PCDHGC3: variants seen among roughly 807,000 people sequenced by gnomAD.
The protein encoded by PCDHGC3 is protocadherin gamma-C3.
In PCDHGC3, 26 loss-of-function variants were observed where a neutral mutation model predicts 59.2. The ratio of observed to expected loss-of-function variants is 0.44; its 90% CI spans 0.32 to 0.61. The LOEUF (loss-of-function observed/expected upper bound fraction) is 0.61. Ranked by LOEUF, PCDHGC3 falls within the 20% of genes least tolerant of loss-of-function variation. PCDHGC3 has a pLI of 0.05. For synonymous variants in PCDHGC3, 487 were observed against 519.7 expected, an observed-to-expected ratio of 0.94 and a Z score of 0.86; for missense variants, 1,080 against 1,221.8, an observed-to-expected ratio of 0.88 and a Z score of 1.73.
chr5:141,492,553 G>C (rs1184580300), intron 1 of PCDHGC3, among the ~76,000 whole-genome samples: 1 of 152,148 alleles, frequency 6.6e-6, no homozygotes, highest in Non-Finnish European at 1.5e-5. Flanking sequence ...CGGGTCGCCT[G>C]GGGGGCGGCC....
chr5:141,485,358 G>A lies in PCDHGC3; in HGVS notation c.2430+6812G>A, dbSNP rs372994272. The A allele has an allele frequency of 1.2e-6, 2 of 1,614,100 alleles. No homozygotes were observed. Among genetic ancestry groups the A allele is most frequent in the Admixed American group, 3.3e-5 (2 of 60,002 alleles). ...CTGGATACGGACAGTCTGTCAGCTC[G>A]CAGGCTGCAGGTCGCTGGAGAGGTG... is the stretch of plus-strand genomic sequence containing the variant. On this transcript the variant is annotated intron_variant, in intron 1 of 3. Transcript: ENST00000308177. This position sits in a 1 kb window ranked among gnomAD's most constrained non-coding sequence, Gnocchi z 5.7.
At chr5:141,496,268 G>T (rs1237681971) in intron 2 of PCDHGC3, among the ~76,000 whole-genome samples, 1 of 152,208 alleles carries the variant, frequency 6.6e-6, no homozygotes, top group Non-Finnish European at 1.5e-5. Flanking sequence ...TCAGCAGAAA[G>T]ACCTTCAGTT....
At position 141,505,514 on chromosome 5, in the gene PCDHGC3, G is replaced by A. The variant is rs758026551; in HGVS notation, c.2578+33G>A. The A allele has an allele frequency of 1.2e-5, 20 of 1,613,682 alleles. No homozygotes were observed. The South Asian group carries it at 1.8e-4, about 14-fold the overall frequency. ...GTGTCAGTGTGTGTATGGAAGAGTGGGAGACCTGGGGTTCTGGGGTGCATC... is the reference window on the plus strand; with the variant it reads ...GTGTCAGTGTGTGTATGGAAGAGTGAGAGACCTGGGGTTCTGGGGTGCATC... On this transcript the variant is annotated intron_variant, in intron 3 of 3. Transcript: ENST00000308177.
rs1245731818 is a variant in PCDHGC3, at chr5:141,476,700, A to C, written c.584A>C (p.Glu195Ala). 1 of 1,614,096 alleles carries C rather than the reference A, an allele frequency of 6.2e-7. No homozygotes were observed. Among genetic ancestry groups the C allele is most frequent in the Non-Finnish European group, 8.5e-7 (1 of 1,180,016 alleles). Residue 195 changes from glutamate to alanine, a missense_variant, in exon 1 of 4, where the codon GAG (glutamate) becomes GCG (alanine). Coordinates refer to ENST00000308177, the MANE Select transcript of PCDHGC3 (RefSeq NM_002588.4). This position sits in a 1 kb window ranked among gnomAD's most constrained non-coding sequence, Gnocchi z 7.6. Reference sequence around the variant, plus strand: ...CGGGAGGACAGCACCAAGTACGCGGAGCTGGTGTTGGAGCGCGCCCTGGAC... The same window carrying C: ...CGGGAGGACAGCACCAAGTACGCGGCGCTGGTGTTGGAGCGCGCCCTGGAC... ...QTREDSTKYA[E>A]LVLERALDRE...
In PCDHGC3 at chr5:141,491,225, T is replaced by G. The variant is rs764111440; in HGVS notation, c.2431-3582T>G. The stretch of plus-strand genomic sequence containing the variant: ...CCTTCACTCTCCTCCACAGCCACAG[T>G]GCTGCTGGTTCTGGAGGATGAGGAC... On this transcript the variant is annotated intron_variant, in intron 1 of 3. Transcript: ENST00000308177. This position sits in a 1 kb window ranked among gnomAD's most constrained non-coding sequence, Gnocchi z 6.9. 6.2e-7 allele frequency: 1 copy of G among 1,614,232 alleles called. No individual in the cohort carries two copies. Among genetic ancestry groups the G allele is most frequent in the Non-Finnish European group, 8.5e-7 (1 of 1,180,028 alleles).
At position 141,478,463 on chromosome 5, in the gene PCDHGC3, G is replaced by A; in HGVS notation, c.2347G>A (p.Ala783Thr). The A allele has an allele frequency of 6.2e-7, 1 of 1,613,424 alleles. No individual in the cohort carries two copies. Among genetic ancestry groups the A allele is most frequent in the South Asian group, 1.1e-5 (1 of 91,084 alleles). ...LKKPGAASPL[A>T]SRQNTLRSCD... is the part of the protein sequence containing the mutation. Reference sequence around the variant, plus strand: ...GAAACCTGGTGCAGCCAGTCCACTGGCCAGCCGCCAGAACACGCTGCGGAG... The same window carrying A: ...GAAACCTGGTGCAGCCAGTCCACTGACCAGCCGCCAGAACACGCTGCGGAG... The change falls in exon 1 of 4, where the codon GCC (alanine) becomes ACC (threonine). Residue 783 changes from alanine (A) to threonine (T), a missense_variant. Transcript: ENST00000308177.
chr5:141,501,441 A>G (rs547792017), intron 2 of PCDHGC3, among the ~76,000 whole-genome samples: 1 of 151,898 alleles, frequency 6.6e-6, no homozygotes, highest in African/African-American at 2.4e-5. Context: ...CATTTCTTCC[A>G]TTTTTACTTT....
rs965707754 is a variant in PCDHGC3 at position 141,505,329 on chromosome 5, G to A, written c.2490-64G>A. On this transcript the variant is annotated intron_variant, in intron 2 of 3. Coordinates refer to ENST00000308177, the MANE Select transcript of PCDHGC3 (RefSeq NM_002588.4). ...ACTAGGTTTGGGAGCCCTGGGAGAG[G>A]ACAGGAGGGGCATGAGCTGTGCCGG... is the stretch of plus-strand genomic sequence containing the variant. The A allele has an allele frequency of 2.5e-6, 4 of 1,610,060 alleles. No individual in the cohort carries two copies. The African/African-American group carries it at 5.3e-5, about 22-fold the overall frequency.
In PCDHGC3 at chr5:141,490,052, A is replaced by G. The variant is rs774710472; in HGVS notation, c.2431-4755A>G. 11 of 1,614,098 alleles carry G rather than the reference A, an allele frequency of 6.8e-6. No homozygotes were observed. The highest frequency in any genetic ancestry group is 9.3e-6 in the Non-Finnish European group (11 of 1,180,014). On this transcript the variant is annotated intron_variant, in intron 1 of 3. Transcript: ENST00000308177. The surrounding 1 kb of genome is among the most constrained non-coding windows in gnomAD (Gnocchi z 5.4). ...CGCCTCAATGCCACTGATCCAGACG[A>G]GGGCACCAACGGCCAACTAGACTAT... is the stretch of plus-strand genomic sequence containing the variant.
chr5:141,491,742 C>T lies in PCDHGC3; in HGVS notation c.2431-3065C>T. On this transcript the variant is annotated intron_variant, in intron 1 of 3. Transcript: ENST00000308177. This position sits in a 1 kb window ranked among gnomAD's most constrained non-coding sequence, Gnocchi z 6.9. ...CGCCCCGGGCGACCCCTGGGGGCGG[C>T]ACTGGAGAAGCCGCCCGTCCTCATA... 6.3e-7 allele frequency: 1 copy of T among 1,596,114 alleles called. No individual in the cohort carries two copies. Among genetic ancestry groups the T allele is most frequent in the African/African-American group, 1.3e-5 (1 of 74,260 alleles).
rs183549806 is a variant in PCDHGC3 at position 141,487,760 on chromosome 5, G to A, written c.2431-7047G>A. ...TGTAAGAGGTAACTATGTGGTAGAC[G>A]CTGTGCTTTGTAACTGTTTCGTGAA... On this transcript the variant is annotated intron_variant, in intron 1 of 3. Transcript: ENST00000308177. The surrounding 1 kb of genome is among the most constrained non-coding windows in gnomAD (Gnocchi z 5.0). 42 of 1,545,950 alleles carry A rather than the reference G, an allele frequency of 2.7e-5. No homozygotes were observed. The African/African-American group carries it at 3.8e-4, about 14-fold the overall frequency.
chr5:141,483,166 A>G (rs1288499520), intron 1 of PCDHGC3, among the ~76,000 whole-genome samples: 1 of 152,138 alleles, frequency 6.6e-6, no homozygotes, highest in Non-Finnish European at 1.5e-5. Flanking sequence ...ATCCTGAGTT[A>G]CCTTTGGGCC....
intron 1 of PCDHGC3, among the ~76,000 whole-genome samples, chr5:141,488,655 G>C (rs1438020338): frequency 6.6e-6 from 1 of 152,164 alleles, no homozygotes. Flanking sequence ...GATGGGGGAG[G>C]GTGGGGGAAT....
rs1163950013 is a variant in PCDHGC3 at position 141,512,955 on chromosome 5, A to G, written c.*1782A>G. 2 of 152,234 alleles carry G rather than the reference A, an allele frequency of 1.3e-5. No homozygotes were observed. The highest frequency in any genetic ancestry group is 2.9e-5 in the Non-Finnish European group (2 of 68,046). The allele number at this position is 152,234 out of a possible 1,614,324, so 9.4% of individuals were successfully genotyped here. ...GCTTTTTTTCTTCGACAAAAAAATA[A>G]TAAAACGTTTCTTCTGAAAAGCTGA... On this transcript the variant is annotated 3_prime_UTR_variant, in exon 4 of 4. Coordinates refer to ENST00000308177, the MANE Select transcript of PCDHGC3 (RefSeq NM_002588.4).
intron 2 of PCDHGC3, among the ~76,000 whole-genome samples, chr5:141,503,963 C>T (rs900066192): frequency 7.2e-5 from 11 of 152,188 alleles, no homozygotes; most frequent in Admixed American, 6.5e-4. Flanking sequence ...ACAGCCTTTC[C>T]CATGGTGCCA....
At chr5:141,501,869 C>G (rs1595765055) in intron 2 of PCDHGC3, among the ~76,000 whole-genome samples, 1 of 152,130 alleles carries the variant, frequency 6.6e-6, no homozygotes, top group Non-Finnish European at 1.5e-5. Context: ...CCCAGGACGC[C>G]TCCTTACACT....
intron 2 of PCDHGC3, among the ~76,000 whole-genome samples, chr5:141,501,290 T>TACACATACAC (rs1224133816): frequency 4.6e-4 from 62 of 136,246 alleles, no homozygotes; most frequent in Admixed American, 7.0e-4. Flanking sequence ...TATTCCCTTA[T>TACACATACAC]ACACACACAC....
chr5:141,486,894 C>T lies in PCDHGC3; in HGVS notation c.2431-7913C>T. 1 of 1,614,228 alleles carries T rather than the reference C, an allele frequency of 6.2e-7. No homozygotes were observed. Among genetic ancestry groups the T allele is most frequent in the Non-Finnish European group, 8.5e-7 (1 of 1,180,052 alleles). On this transcript the variant is annotated intron_variant, in intron 1 of 3. Transcript: ENST00000308177. The surrounding 1 kb of genome is among the most constrained non-coding windows in gnomAD (Gnocchi z 5.0). ...CTCCGTCCTCGGGCCCGGCCTGGTT[C>T]CTTATGTCCCCAAGCACTGCCTCCA...
intron 2 of PCDHGC3, among the ~76,000 whole-genome samples, chr5:141,497,809 G>A (rs1256990692): frequency 1.3e-5 from 2 of 152,190 alleles, no homozygotes. Context: ...CAAAGTGCTA[G>A]AATTACAGGT....
Sources: gnomAD v4.1 joint callset for allele counts (sites outside exome capture counted in the v4.1 genomes callset) on GRCh38, gnomAD v4.1.1 for gene constraint, Gnocchi (gnomAD v3.1) non-coding constraint, MANE v1.5 for transcripts, NCBI Gene and HGNC (gene_info 2026-07-23, HGNC 2026-07-21) for gene names.